The following LCOR variants were observed in gnomAD, a reference collection of about 807,000 sequenced individuals.
The protein encoded by LCOR is ligand-dependent corepressor.
Under a neutral mutation model 64.4 loss-of-function variants are expected in LCOR, and 14 were observed. The observed-to-expected ratio is 0.22, with a 90% CI of 0.14 to 0.34. The LOEUF (loss-of-function observed/expected upper bound fraction) is 0.34, where lower values mean the gene tolerates loss of function less well. LCOR is among the 10% of genes least tolerant of loss of function. The probability of loss-of-function intolerance (pLI) is 1.00; values close to 1 mark genes in which losing one functional copy is unlikely to be tolerated. For missense variants in LCOR, 1,686 were observed against 1,765.3 expected (o/e 0.96, Z 0.80); for synonymous variants, 643 against 642.5 (o/e 1.00, Z -0.01).
At chr10:96,906,076 G>A (rs1846721688) in intron 2 of LCOR, among the ~76,000 whole-genome samples, 1 of 152,138 alleles carries the variant, frequency 6.6e-6, no homozygotes, top group African/African-American at 2.4e-5. Flanking sequence ...GGCCTTATGT[G>A]TCCGGCAGGA....
rs534675753 is a variant in LCOR at position 96,918,232 on chromosome 10, C to T, written c.-184+10485C>T. ...CATTTTGCATCAGTTGTCTTCCTGG[C>T]CCCATACTCTATAATGACAGGGGGG... On this transcript the variant is annotated intron_variant, in intron 4 of 7. Transcript: ENST00000421806. 1.1e-4 allele frequency among the ~76,000 whole-genome samples: 17 copies of T among 152,198 alleles called. No homozygotes were observed. The South Asian group carries it at 2.3e-3, about 20-fold the overall frequency.
intron 7 of LCOR, chr10:96,957,097 G>T (rs1425000383): frequency 4.1e-6 from 4 of 985,048 alleles, no homozygotes; most frequent in African/African-American, 3.5e-5. Flanking sequence ...TCAATCAGAA[G>T]TCAAGCTCAT....
At chr10:96,934,885 A>T (rs945332525) in intron 4 of LCOR, among the ~76,000 whole-genome samples, 1 of 152,202 alleles carries the variant, frequency 6.6e-6, no homozygotes. Context: ...TACAGGCGTG[A>T]GCCACCGCAC....
chr10:96,862,299 C>T (rs936276872), intron 2 of LCOR, among the ~76,000 whole-genome samples: 3 of 151,896 alleles, frequency 2.0e-5, no homozygotes, highest in African/African-American at 4.8e-5. Flanking sequence ...TTTGAGATAG[C>T]GTCTCACTTT....
chr10:96,944,138 C>G lies in LCOR; in HGVS notation c.-158C>G. On this transcript the variant is annotated 5_prime_UTR_variant, in exon 5 of 8. Coordinates refer to ENST00000421806, the MANE Select transcript of LCOR (RefSeq NM_001346516.2). ...GGACACTTAGTCGGTCTGGATGAAC[C>G]AGCTTCGGGAGCTGGGCAAGAAGCT... 1 of 985,654 alleles carries G rather than the reference C, an allele frequency of 1.0e-6. No individual in the cohort carries two copies. Among genetic ancestry groups the G allele is most frequent in the Non-Finnish European group, 1.2e-6 (1 of 829,904 alleles). The allele number at this position is 985,654 out of a possible 1,614,324, so 61.1% of individuals were successfully genotyped here.
chr10:96,977,929 G>A (rs1848051581), intron 7 of LCOR, among the ~76,000 whole-genome samples: 1 of 152,164 alleles, frequency 6.6e-6, no homozygotes, highest in Non-Finnish European at 1.5e-5. Flanking sequence ...GTTTTTCCTT[G>A]GAGAATTTCC....
At chr10:96,851,639 G>C (rs1845723154) in intron 2 of LCOR, among the ~76,000 whole-genome samples, 1 of 152,148 alleles carries the variant, frequency 6.6e-6, no homozygotes, top group South Asian at 2.1e-4. Context: ...GATGACTCTG[G>C]AGCAAACATT....
intron 2 of LCOR, among the ~76,000 whole-genome samples, chr10:96,840,777 T>C (rs1267966822): frequency 6.6e-6 from 1 of 152,248 alleles, no homozygotes; most frequent in East Asian, 1.9e-4. Context: ...CTTACAATTG[T>C]ATTAAAAACT....
At chr10:96,938,122 A>AATT (rs766828610) in intron 4 of LCOR, among the ~76,000 whole-genome samples, 23 of 151,578 alleles carry the variant, frequency 1.5e-4, no homozygotes, top group Middle Eastern at 6.8e-3. Flanking sequence ...AGCTGTTAAT[A>AATT]ATTTTTTAAC....
rs1020310527 is a variant in LCOR at position 96,986,827 on chromosome 10, T to A, written c.*1693T>A. 6.6e-6 allele frequency: 1 copy of A among 152,236 alleles called. No individual in the cohort carries two copies. The highest frequency in any genetic ancestry group is 1.5e-5 in the Non-Finnish European group (1 of 68,038). The allele number at this position is 152,236 out of a possible 1,614,324, so 9.4% of individuals were successfully genotyped here. Reference sequence around the variant, plus strand: ...TTATTTGAAAATTTTCCATTTAGGTTGTTTCAGATCTCTTTAGATAAGCCC... The same window carrying A: ...TTATTTGAAAATTTTCCATTTAGGTAGTTTCAGATCTCTTTAGATAAGCCC... On this transcript the variant is annotated 3_prime_UTR_variant, in exon 8 of 8. Coordinates refer to ENST00000421806, the MANE Select transcript of LCOR (RefSeq NM_001346516.2).
intron 2 of LCOR, among the ~76,000 whole-genome samples, chr10:96,883,241 T>A (rs1038738140): frequency 4.9e-4 from 74 of 152,100 alleles, no homozygotes; most frequent in Non-Finnish European, 1.5e-5. Context: ...ACCATGTTGG[T>A]CACACTGGTC....
intron 2 of LCOR, among the ~76,000 whole-genome samples, chr10:96,883,700 G>A (rs1323268433): frequency 6.6e-6 from 1 of 152,140 alleles, no homozygotes; most frequent in Non-Finnish European, 1.5e-5. Flanking sequence ...TCTTCCTATT[G>A]TTGAATTTTA....
At chr10:96,834,732 C>T (rs1845412123) in intron 2 of LCOR, among the ~76,000 whole-genome samples, 1 of 152,034 alleles carries the variant, frequency 6.6e-6, no homozygotes. Flanking sequence ...TGTAGATTTT[C>T]TGAGTTCCAT....
chr10:96,912,471 C>T (rs974908605), intron 4 of LCOR, among the ~76,000 whole-genome samples: 3 of 152,160 alleles, frequency 2.0e-5, no homozygotes, highest in Non-Finnish European at 4.4e-5. Flanking sequence ...GTCCAAGATC[C>T]AGTCCAGGAT....
At chr10:96,975,585 C>G (rs1848031985) in intron 7 of LCOR, among the ~76,000 whole-genome samples, 1 of 151,666 alleles carries the variant, frequency 6.6e-6, no homozygotes, top group South Asian at 2.1e-4. Flanking sequence ...TGTCCCTTTT[C>G]CCTCTCCTCT....
chr10:96,920,424 A>G (rs1184360603), intron 4 of LCOR, among the ~76,000 whole-genome samples: 6 of 8,962 alleles, frequency 6.7e-4, no homozygotes, highest in South Asian at 0.021. Flanking sequence ...ATATATATTC[A>G]TATATATGTG....
chr10:96,877,812 C>A (rs536196943), intron 2 of LCOR, among the ~76,000 whole-genome samples: 1 of 151,754 alleles, frequency 6.6e-6, no homozygotes, highest in African/African-American at 2.4e-5. Context: ...GGGGTTTCAC[C>A]GCATTAGCCA....
intron 7 of LCOR, among the ~76,000 whole-genome samples, chr10:96,970,748 C>A (rs923955279): frequency 6.6e-6 from 1 of 151,716 alleles, no homozygotes; most frequent in African/African-American, 2.4e-5. Flanking sequence ...CAGCCTCTGC[C>A]TCCCGAGTTC....
chr10:96,975,860 C>T lies in LCOR; in HGVS notation c.333-4933C>T, dbSNP rs7094313. Among the ~76,000 whole-genome samples the T allele has an allele frequency of 4.2e-4, 64 of 152,014 alleles. 1 individual carries two copies. Among genetic ancestry groups the T allele is most frequent in the African/African-American group, 1.4e-3 (59 of 41,468 alleles). ...CAAAACCCTGTCTCTACTAAAAATA[C>T]AAAAGCTAGCCGGACGTGGTGGTGG... On this transcript the variant is annotated intron_variant, in intron 7 of 7. Transcript: ENST00000421806.
Sources: allele counts gnomAD v4.1 joint callset (sites outside exome capture counted in the v4.1 genomes callset), GRCh38; gene constraint gnomAD v4.1.1; transcripts MANE v1.5; gene names NCBI Gene and HGNC (gene_info 2026-07-23, HGNC 2026-07-21).